The following CROCC2 variants were observed in gnomAD, a reference collection of about 807,000 sequenced individuals.
CROCC2 encodes ciliary rootlet coiled-coil, rootletin family member 2, also known as ciliary rootlet coiled-coil protein 2.
A neutral mutation model predicts 177.6 loss-of-function variants in CROCC2; 163 were observed. That is an observed-to-expected ratio of 0.92 (90% CI 0.81 to 1.05). The LOEUF (loss-of-function observed/expected upper bound fraction) is 1.05, where lower values mean the gene tolerates loss of function less well. Among genes scored for constraint, CROCC2 ranks in the 50% least tolerant of loss-of-function variants. CROCC2 has a pLI of 0.00. For missense variants in CROCC2, 1,929 were observed against 1,797.8 expected, an observed-to-expected ratio of 1.07 and a Z score of -1.32; for synonymous variants, 904 against 787.3, an observed-to-expected ratio of 1.15 and a Z score of -2.48.
In CROCC2 at chr2:240,968,237, C is replaced by T; in HGVS notation, c.4376C>T (p.Ala1459Val). 2.0e-6 allele frequency: 3 copies of T among 1,532,490 alleles called. No individual in the cohort carries two copies. Among genetic ancestry groups the T allele is most frequent in the Non-Finnish European group, 2.6e-6 (3 of 1,145,152 alleles). The allele number at this position is 1,532,490 out of a possible 1,614,324, so 94.9% of individuals were successfully genotyped here. Residue 1459 changes from alanine (A) to valine (V), a missense_variant, in exon 27 of 32, where the codon GCA (alanine) becomes GTA (valine). Coordinates refer to ENST00000690015, the MANE Select transcript of CROCC2 (RefSeq NM_001351305.2). ...GAGCACCTGGCGAGCGTGCGTGCGG[C>T]AGGCCAGGAGAAGCGGCGGCTGCAG... ...ELEHLASVRAAGQEKRRLQEQ... is the reference protein window; with the variant it reads ...ELEHLASVRAVGQEKRRLQEQ...
At chr2:240,957,899 T>G in intron 19 of CROCC2, 4 of 850,726 alleles carry the variant, frequency 4.7e-6, no homozygotes, top group Non-Finnish European at 5.7e-6. Context: ...CTCCACCCCG[T>G]GGGCAGGGAC....
At chr2:240,959,163 G>A in intron 19 of CROCC2, 138 bp from the exon 20 acceptor site, 1 of 997,296 alleles carries the variant, frequency 1.0e-6, no homozygotes, top group Non-Finnish European at 1.4e-6. Context: ...GTTACCCCGG[G>A]GCTTGCACGA....
rs1295649615 is a variant in CROCC2, at chr2:240,965,466, T to C, written c.3551T>C (p.Leu1184Pro). 2.6e-6 allele frequency: 4 copies of C among 1,549,810 alleles called. No homozygotes were observed. Among genetic ancestry groups the C allele is most frequent in the Non-Finnish European group, 3.5e-6 (4 of 1,146,974 alleles). Residue 1184 changes from leucine (L) to proline (P), a missense_variant, in exon 23 of 32, where the codon CTG becomes CCG. By Grantham distance (98) the Leu-to-Pro change is moderately conservative. Coordinates refer to ENST00000690015, the MANE Select transcript of CROCC2 (RefSeq NM_001351305.2). ...QAQCSQEVLE[L>P]RRQAAKAEAK... ...CAGTGCTCGCAGGAGGTGCTGGAGC[T>C]GCGGAGGCAGGCAGCCAAGGCAGAG...
intron 10 of CROCC2, 85 bp downstream of exon 10, chr2:240,933,427 T>G: frequency 1.5e-6 from 2 of 1,353,466 alleles, no homozygotes; most frequent in Non-Finnish European, 9.8e-7. Flanking sequence ...CAAGCACCTC[T>G]AGAGCTGGAG....
At chr2:240,944,048 A>C (rs1428873678) in intron 14 of CROCC2, among the ~76,000 whole-genome samples, 1 of 152,226 alleles carries the variant, frequency 6.6e-6, no homozygotes, top group Non-Finnish European at 1.5e-5. Flanking sequence ...TATCAGAAGC[A>C]GAAAGTCCTG....
At chr2:240,963,404 T>G in intron 20 of CROCC2, 152 bp from the exon 21 acceptor site, 4 of 745,980 alleles carry the variant, frequency 5.4e-6, no homozygotes, top group South Asian at 2.1e-5. Flanking sequence ...GCACTAGGGA[T>G]TGGTGGCTCC....
intron 1 of CROCC2, among the ~76,000 whole-genome samples, chr2:240,914,984 A>G (rs1173138416): frequency 6.6e-6 from 1 of 152,230 alleles, no homozygotes; most frequent in African/African-American, 2.4e-5. Context: ...TGGCCTCCAG[A>G]TAAAGCCAAG....
At position 240,965,784 on chromosome 2, in the gene CROCC2, C is replaced by T. The variant is rs544233241; in HGVS notation, c.3752C>T (p.Ala1251Val). Residue 1251 changes from alanine (A) to valine (V), a missense_variant, in exon 24 of 32, where the codon GCC becomes GTC. By Grantham distance (64) the Ala-to-Val change is moderately conservative. Transcript: ENST00000690015. ...LHSVTRKLQE[A>V]SGVADALQAR... ...AGTGTCACCAGGAAGCTGCAGGAAG[C>T]CAGTGGTGTGGCTGATGCTCTCCAG... The T allele has an allele frequency of 6.7e-7, 1 of 1,489,848 alleles. No individual in the cohort carries two copies. Among genetic ancestry groups the T allele is most frequent in the Admixed American group, 2.4e-5 (1 of 42,088 alleles). 92.3% of individuals were successfully genotyped at this position (1,489,848 alleles called of 1,614,324 possible). A position where few individuals can be genotyped will look rare whatever the true frequency, so the allele number is the denominator to read the frequency against.
intron 28 of CROCC2, chr2:240,985,757 C>G (rs2059836813): frequency 3.3e-6 from 1 of 299,268 alleles, no homozygotes; most frequent in African/African-American, 2.7e-5. Context: ...GGCACTCACT[C>G]CACACACACC....
At chr2:240,936,438 A>G (rs2106463615) in intron 14 of CROCC2, among the ~76,000 whole-genome samples, 1 of 152,336 alleles carries the variant, frequency 6.6e-6, no homozygotes, top group Non-Finnish European at 1.5e-5. Flanking sequence ...GGAGCCATGC[A>G]GTGTGGACGC....
At chr2:240,939,414 G>T (rs1381421213) in intron 14 of CROCC2, among the ~76,000 whole-genome samples, 1 of 151,960 alleles carries the variant, frequency 6.6e-6, no homozygotes, top group African/African-American at 2.4e-5. Context: ...TTTTGTTAAA[G>T]ATTTTTGCAT....
In CROCC2 at chr2:240,953,169, G is replaced by A. The variant is rs2059567566; in HGVS notation, c.2829+2659G>A. Among the ~76,000 whole-genome samples the A allele has an allele frequency of 2.6e-5, 4 of 152,146 alleles. No homozygotes were observed. On this transcript the variant is annotated intron_variant, in intron 18 of 31. Coordinates refer to ENST00000690015, the MANE Select transcript of CROCC2 (RefSeq NM_001351305.2). This position sits in a 1 kb window ranked among gnomAD's most constrained non-coding sequence, Gnocchi z 4.0. Reference sequence around the variant, plus strand: ...TCATGCCTATGATCCCAGCACTTTGGGAGGCCAAAGCCAGCAGATCATCTG... The same window carrying A: ...TCATGCCTATGATCCCAGCACTTTGAGAGGCCAAAGCCAGCAGATCATCTG...
rs747511681 is a variant in CROCC2, at chr2:240,961,540, TCA to T, written c.3088-2004_3088-2003del. On this transcript the variant is annotated intron_variant, in intron 20 of 31. Transcript: ENST00000690015. ...ATACAGAGTGGACACCTGCACTGGC[TCA>T]CACACACACACTCATCACACTCACA... Among the ~76,000 whole-genome samples, 42 of 143,526 alleles carry T rather than the reference TCA, an allele frequency of 2.9e-4. 1 individual carries two copies. The East Asian group carries it at 4.2e-3, about 14-fold the overall frequency. The allele number at this position is 143,526 out of a possible 152,430, so 94.2% of individuals were successfully genotyped here.
At chr2:240,934,575 G>A in intron 12 of CROCC2, 100 bp downstream of exon 12, 1 of 1,259,206 alleles carries the variant, frequency 7.9e-7, no homozygotes, top group Non-Finnish European at 1.1e-6. Context: ...CTGCCTGCCG[G>A]GCCCCTCAGC....
At chr2:240,941,842 G>A (rs1259914542) in intron 14 of CROCC2, among the ~76,000 whole-genome samples, 1 of 152,174 alleles carries the variant, frequency 6.6e-6, no homozygotes, top group African/African-American at 2.4e-5. Context: ...TAAGAGATGG[G>A]ACCTTTAAGA....
intron 31 of CROCC2, among the ~76,000 whole-genome samples, chr2:240,992,065 T>C (rs983965709): frequency 1.3e-5 from 2 of 152,184 alleles, no homozygotes; most frequent in African/African-American, 4.8e-5. Context: ...CTGGAAATGC[T>C]GGGAACGGTC....
intron 12 of CROCC2, 93 bp downstream of exon 12, chr2:240,934,568 C>T: frequency 1.6e-6 from 2 of 1,286,636 alleles, no homozygotes; most frequent in Non-Finnish European, 2.1e-6. Context: ...CTCTCTCCTG[C>T]CTGCCGGGCC....
chr2:240,931,557 T>C (rs1330811503), intron 7 of CROCC2, among the ~76,000 whole-genome samples: 2 of 152,220 alleles, frequency 1.3e-5, no homozygotes, highest in African/African-American at 2.4e-5. Flanking sequence ...TGGGGGTCTA[T>C]GAGCCCCGCC....
chr2:240,951,322 T>G (rs2059555023), intron 18 of CROCC2, among the ~76,000 whole-genome samples: 1 of 150,570 alleles, frequency 6.6e-6, no homozygotes, highest in South Asian at 2.1e-4. Context: ...CATCCACCCA[T>G]CCACCTGTTC....
Sources: allele counts gnomAD v4.1 joint callset (sites outside exome capture counted in the v4.1 genomes callset), GRCh38; gene constraint gnomAD v4.1.1; non-coding constraint Gnocchi (gnomAD v3.1); transcripts MANE v1.5; gene names NCBI Gene and HGNC (gene_info 2026-07-23, HGNC 2026-07-21).